SPTB: variants seen among roughly 807,000 people sequenced by gnomAD.
SPTB encodes the protein spectrin beta, erythrocytic.
A neutral mutation model predicts 256.2 loss-of-function variants in SPTB; 45 were observed. The ratio of observed to expected loss-of-function variants is 0.18; its 90% CI spans 0.14 to 0.23. The LOEUF is 0.23. SPTB is among the 10% of genes least tolerant of loss of function. The probability of loss-of-function intolerance (pLI) is 1.00; values close to 1 mark genes in which losing one functional copy is unlikely to be tolerated. For synonymous variants in SPTB, 1,231 were observed against 1,243.1 expected, an observed-to-expected ratio of 0.99 and a Z score of 0.21; for missense variants, 2,715 against 3,040.4, an observed-to-expected ratio of 0.89 and a Z score of 2.52.
At chr14:64,794,343 T>C (rs865824026) in intron 13 of SPTB, 124 bp downstream of exon 13, 3 of 1,330,980 alleles carry the variant, frequency 2.3e-6, no homozygotes, top group Non-Finnish European at 3.2e-6. Flanking sequence ...TCTTGGACCA[T>C]TACTTGATGA....
intron 25 of SPTB, 77 bp downstream of exon 25, chr14:64,773,143 T>G: frequency 6.3e-7 from 1 of 1,588,666 alleles, no homozygotes; most frequent in South Asian, 1.1e-5. Flanking sequence ...TGCAGCACTC[T>G]GTGTGTCTTG....
rs2139761871 is a variant in SPTB, at chr14:64,845,166, C to T, written c.-51-22021G>A. The stretch of plus-strand genomic sequence containing the variant: ...GGGCATGGCAGAACTAGCCTGCTCC[C>T]TGTCATTATCTCTTTTATGCCCTAC... On this transcript the variant is annotated intron_variant, in intron 1 of 35. Transcript: ENST00000644917. The surrounding 1 kb of genome is among the most constrained non-coding windows in gnomAD (Gnocchi z 4.8). Among the ~76,000 whole-genome samples, 1 of 152,342 alleles carries T rather than the reference C, an allele frequency of 6.6e-6. No individual in the cohort carries two copies.
In SPTB at chr14:64,774,417, C is replaced by T; in HGVS notation, c.4953G>A (p.Leu1651=). 6.3e-7 allele frequency: 1 copy of T among 1,584,264 alleles called. No individual in the cohort carries two copies. The highest frequency in any genetic ancestry group is 1.2e-5 in the South Asian group (1 of 86,952). The change falls in exon 24 of 36, where the codon CTG becomes CTA. Residue 1651 remains leucine, a synonymous_variant. Transcript: ENST00000644917. ...KQLASRAQGL[L]SAGHPEGEQI... The stretch of plus-strand genomic sequence containing the variant: ...CGCACCCCTCAGGGTGGCCTGCAGA[C>T]AGCAGGCCCTGGGCCCGGCTGGCCA...
chr14:64,754,119 G>A (rs2081989880), intron 32 of SPTB: 1 of 449,148 alleles, frequency 2.2e-6, no homozygotes, highest in African/African-American at 2.0e-5. Flanking sequence ...TTTCATTAAA[G>A]GGGTGTGAGG....
chr14:64,802,545 G>C lies in SPTB; in HGVS notation c.475-228C>G, dbSNP rs1440311435. Among the ~76,000 whole-genome samples the C allele has an allele frequency of 6.6e-6, 1 of 152,092 alleles. No individual in the cohort carries two copies. The highest frequency in any genetic ancestry group is 1.5e-5 in the Non-Finnish European group (1 of 68,022). On this transcript the variant is annotated intron_variant, in intron 4 of 35. Transcript: ENST00000644917. The surrounding 1 kb of genome is among the most constrained non-coding windows in gnomAD (Gnocchi z 5.1). ...ATGCTCCCTGAGCCCAGGGAAATCTGTCTTGGTCACTTGTCTGTCTCCAGG... is the reference window on the plus strand; with the variant it reads ...ATGCTCCCTGAGCCCAGGGAAATCTCTCTTGGTCACTTGTCTGTCTCCAGG...
intron 1 of SPTB, among the ~76,000 whole-genome samples, chr14:64,834,261 A>C (rs1474202176): frequency 6.6e-6 from 1 of 152,066 alleles, no homozygotes; most frequent in East Asian, 1.9e-4. Flanking sequence ...TCCTGACCTC[A>C]GATGATCCAC....
At position 64,767,679 on chromosome 14, in the gene SPTB, A is replaced by G; in HGVS notation, c.6203T>C (p.Leu2068Pro). 6.2e-7 allele frequency: 1 copy of G among 1,614,116 alleles called. No homozygotes were observed. The highest frequency in any genetic ancestry group is 8.5e-7 in the Non-Finnish European group (1 of 1,180,022). Reference sequence around the variant, plus strand: ...CCTGCTCACCGTGGTGGGCTTCTCCAGGGCAGCAAAGCGCTCTGCCCAGCT... The same window carrying G: ...CCTGCTCACCGTGGTGGGCTTCTCCGGGGCAGCAAAGCGCTCTGCCCAGCT... ...TASWAERFAA[L>P]EKPTTLELKE... The change falls in exon 30 of 36, where the codon CTG (leucine) becomes CCG (proline). Residue 2068 changes from leucine (L) to proline (P), a missense_variant. This residue lies in a region of SPTB where 2,239 missense variants were observed against 2,384.4 expected (regional missense o/e 0.94). Coordinates refer to ENST00000644917, the MANE Select transcript of SPTB (RefSeq NM_001355436.2).
chr14:64,837,108 C>T (rs546453097), intron 1 of SPTB, among the ~76,000 whole-genome samples: 53 of 152,296 alleles, frequency 3.5e-4, no homozygotes, highest in African/African-American at 1.3e-3. Flanking sequence ...GAGGCAGACC[C>T]TTGGCAGGGA....
At chr14:64,813,884 A>G (rs765938975) in intron 2 of SPTB, among the ~76,000 whole-genome samples, 4 of 152,222 alleles carry the variant, frequency 2.6e-5, no homozygotes, top group Non-Finnish European at 5.9e-5. Context: ...CACAGATGCC[A>G]ATCCATAATA....
intron 27 of SPTB, among the ~76,000 whole-genome samples, chr14:64,770,029 A>G (rs2082254325): frequency 1.3e-5 from 2 of 152,210 alleles, no homozygotes; most frequent in Admixed American, 1.3e-4. Flanking sequence ...TACAACAGGG[A>G]TGCATCTTGA....
chr14:64,754,145 T>C (rs931652434), intron 32 of SPTB: 47 of 407,282 alleles, frequency 1.2e-4, no homozygotes, highest in African/African-American at 9.0e-4. Context: ...CAGGTTCCAA[T>C]GCTGCTGGCA....
In SPTB at chr14:64,800,882, G is replaced by C. The variant is rs751978752; in HGVS notation, c.764-14C>G. ...CCGTAAAGACATCTGTTAGGGAAAA[G>C]GGTGTACTCTCAGGACCAAACTGGA... On this transcript the variant is annotated splice_polypyrimidine_tract_variant and intron_variant, in intron 7 of 35. Transcript: ENST00000644917. 1.2e-6 allele frequency: 2 copies of C among 1,603,886 alleles called. No individual in the cohort carries two copies. Among genetic ancestry groups the C allele is most frequent in the East Asian group, 2.2e-5 (1 of 44,632 alleles).
At chr14:64,762,946 C>T (rs1207413481) in intron 32 of SPTB, among the ~76,000 whole-genome samples, 1 of 152,256 alleles carries the variant, frequency 6.6e-6, no homozygotes, top group Non-Finnish European at 1.5e-5. Context: ...GGACGTCACA[C>T]ATGGCATCAC....
intron 33 of SPTB, among the ~76,000 whole-genome samples, chr14:64,751,273 CCA>C (rs2081946848): frequency 6.6e-6 from 1 of 151,928 alleles, no homozygotes; most frequent in Non-Finnish European, 1.5e-5. Context: ...GCGCAAGCCA[CCA>C]CACCCAGCTA....
chr14:64,793,677 G>A lies in SPTB; in HGVS notation c.1986C>T (p.Ser662=), dbSNP rs939319372. ...TGGTCAGGTCTTTGCCATAGTCCAG[G>A]GAAGAATAGATCTGCTCCTTCTCCT... is the stretch of plus-strand genomic sequence containing the variant. ...WIKEKEQIYS[S]LDYGKDLTSV... The change falls in exon 14 of 36, where the codon TCC becomes TCT. Residue 662 remains serine (S), a synonymous_variant. Coordinates refer to ENST00000644917, the MANE Select transcript of SPTB (RefSeq NM_001355436.2). This position sits in a 1 kb window ranked among gnomAD's most constrained non-coding sequence, Gnocchi z 7.0. 4.3e-6 allele frequency: 7 copies of A among 1,614,136 alleles called. No individual in the cohort carries two copies. Among genetic ancestry groups the A allele is most frequent in the Non-Finnish European group, 5.1e-6 (6 of 1,180,044 alleles).
chr14:64,822,372 T>TCACACACACACACACACACACACA (rs1355459775), intron 2 of SPTB, among the ~76,000 whole-genome samples: 3 of 2,420 alleles, frequency 1.2e-3, no homozygotes, highest in Non-Finnish European at 2.5e-3. Context: ...TCTCTCTCTC[T>TCACACACACACACACACACACACA]CTCACACACA....
chr14:64,793,565 C>T lies in SPTB; in HGVS notation c.2098G>A (p.Ala700Thr). 6.2e-7 allele frequency: 1 copy of T among 1,614,148 alleles called. No homozygotes were observed. Among genetic ancestry groups the T allele is most frequent in the Non-Finnish European group, 8.5e-7 (1 of 1,180,050 alleles). ...TGCTTGCGCGCAACCATGCCATGAG[C>T]CTCCTGGAAGATCTGCTCCAGGTGA... ...DAHLEQIFQE[A>T]HGMVARKQFG... The change falls in exon 14 of 36, where the codon GCT (alanine) becomes ACT (threonine). Residue 700 changes from alanine to threonine, a missense_variant. Ala to Thr is a moderately conservative substitution (Grantham distance 58). Around this residue, in one of 4 missense-constraint regions of SPTB, gnomAD observed 2,239 missense variants for 2,384.4 expected, o/e 0.94. Coordinates refer to ENST00000644917, the MANE Select transcript of SPTB (RefSeq NM_001355436.2). This position sits in a 1 kb window ranked among gnomAD's most constrained non-coding sequence, Gnocchi z 7.0.
At position 64,795,133 on chromosome 14, in the gene SPTB, G is replaced by A. The variant is rs2082742416; in HGVS notation, c.1644+204C>T. Among the ~76,000 whole-genome samples, 1 of 152,270 alleles carries A rather than the reference G, an allele frequency of 6.6e-6. No homozygotes were observed. Among genetic ancestry groups the A allele is most frequent in the Non-Finnish European group, 1.5e-5 (1 of 68,050 alleles). ...TCGGTCACCAGGGTACCATGGACCTGGGCTGGTATCACCTGCTGGAGCAGA... is the reference window on the plus strand; with the variant it reads ...TCGGTCACCAGGGTACCATGGACCTAGGCTGGTATCACCTGCTGGAGCAGA... On this transcript the variant is annotated intron_variant, in intron 12 of 35. Coordinates refer to ENST00000644917, the MANE Select transcript of SPTB (RefSeq NM_001355436.2). The surrounding 1 kb of genome is among the most constrained non-coding windows in gnomAD (Gnocchi z 6.5).
rs765720758 is a variant in SPTB at position 64,766,732 on chromosome 14, C to A, written c.6339G>T (p.Thr2113=). ...PVSHHAATER[T]SPGEEEGTWP... The stretch of plus-strand genomic sequence containing the variant: ...AACGAGACCAGAGACTGACCGGGGA[C>A]GTTCTCTCGGTGGCCGCATGGTGGG... The change falls in exon 32 of 36, where the codon ACG becomes ACT. Residue 2113 remains threonine (T), a synonymous_variant. Coordinates refer to ENST00000644917, the MANE Select transcript of SPTB (RefSeq NM_001355436.2). 1 of 1,613,316 alleles carries A rather than the reference C, an allele frequency of 6.2e-7. No individual in the cohort carries two copies. Among genetic ancestry groups the A allele is most frequent in the African/African-American group, 1.3e-5 (1 of 74,848 alleles).
Sources: gnomAD v4.1 joint callset for allele counts (sites outside exome capture counted in the v4.1 genomes callset) on GRCh38, gnomAD v4.1.1 for gene constraint, gnomAD v4.1.1 regional missense constraint, Gnocchi (gnomAD v3.1) non-coding constraint, MANE v1.5 for transcripts, NCBI Gene and HGNC (gene_info 2026-07-23, HGNC 2026-07-21) for gene names.